The following LRP2 variants were observed in gnomAD, a reference collection of about 807,000 sequenced individuals.
LRP2 encodes the protein low-density lipoprotein receptor-related protein 2.
In LRP2, 172 loss-of-function variants were observed where a neutral mutation model predicts 531.0. The observed-to-expected ratio is 0.32, with a 90% confidence interval of 0.29 to 0.37. The LOEUF (loss-of-function observed/expected upper bound fraction) is 0.37. Among genes scored for constraint, LRP2 ranks in the 10% least tolerant of loss-of-function variants. The pLI, the probability that LRP2 is intolerant of heterozygous loss-of-function variation, is 1.00. For synonymous variants in LRP2, 1,992 were observed against 2,027.6 expected, an observed-to-expected ratio of 0.98 and a Z score of 0.47; for missense variants, 5,167 against 5,868.3, an observed-to-expected ratio of 0.88 and a Z score of 3.90.
chr2:169,337,472 A>G (rs1685437215), intron 1 of LRP2, among the ~76,000 whole-genome samples: 1 of 152,184 alleles, frequency 6.6e-6, no homozygotes, highest in South Asian at 2.1e-4. Flanking sequence ...AATACAGTCA[A>G]AGGGCTTTTC....
Position 169,206,515 on chromosome 2 carries a change from T to C in LRP2, c.7205A>G (p.His2402Arg), listed in dbSNP as rs1478838077. The change falls in exon 39 of 79, where the codon CAC becomes CGC. Residue 2402 changes from histidine to arginine, a missense_variant. This residue lies in a region of LRP2 where 2,811 missense variants were observed against 3,058.0 expected (regional missense o/e 0.92). Coordinates refer to ENST00000649046, the MANE Select transcript of LRP2 (RefSeq NM_004525.3). ...TGGGCTATGGTTTTCAGGGTCCAAG[T>C]GTAAGCTTCTCAAGGAATTAGACAA... ...FALSNSLRSLHLDPENHSPPF... is the reference protein window; with the variant it reads ...FALSNSLRSLRLDPENHSPPF... 3 of 1,614,218 alleles carry C rather than the reference T, an allele frequency of 1.9e-6. No homozygotes were observed. Among genetic ancestry groups the C allele is most frequent in the Middle Eastern group, 1.6e-4 (1 of 6,062 alleles).
intron 9 of LRP2, among the ~76,000 whole-genome samples, chr2:169,284,276 T>TTC: frequency 7.4e-6 from 1 of 135,458 alleles, no homozygotes; most frequent in Non-Finnish European, 1.6e-5. Flanking sequence ...TTTTTTTTTT[T>TTC]TTTTTTGAGA....
chr2:169,173,975 T>G lies in LRP2; in HGVS notation c.10958A>C (p.Lys3653Thr). The change falls in exon 56 of 79, where the codon AAG becomes ACG. Residue 3653 changes from lysine to threonine, a missense_variant. Coordinates refer to ENST00000649046, the MANE Select transcript of LRP2 (RefSeq NM_004525.3). ...TCCACAATCATTATCCACATCACAC[T>G]TCCAGGCCTGCGGGATGCAGCGGCC... Reference protein sequence around the residue: ...ANGRCIPQAWKCDVDNDCGDH... With the variant: ...ANGRCIPQAWTCDVDNDCGDH... The G allele has an allele frequency of 6.2e-7, 1 of 1,614,188 alleles. No homozygotes were observed. Among genetic ancestry groups the G allele is most frequent in the Non-Finnish European group, 8.5e-7 (1 of 1,180,014 alleles).
At chr2:169,172,551 T>C (rs1687044801) in intron 57 of LRP2, among the ~76,000 whole-genome samples, 1 of 152,210 alleles carries the variant, frequency 6.6e-6, no homozygotes, top group African/African-American at 2.4e-5. Context: ...GATGCTTTGG[T>C]TTCAAGTTAG....
chr2:169,194,869 G>A (rs1241574674), intron 46 of LRP2, among the ~76,000 whole-genome samples: 2 of 151,894 alleles, frequency 1.3e-5, no homozygotes, highest in African/African-American at 2.4e-5. Context: ...GTGCCACCGC[G>A]CCCGGCTAAT....
chr2:169,210,040 A>G (rs75569504), intron 37 of LRP2, among the ~76,000 whole-genome samples: 20,476 of 152,146 alleles, frequency 0.13, 2,958 homozygotes, highest in African/African-American at 0.37. Context: ...GAATTTAAAA[A>G]ATAAAAATTT....
At position 169,181,638 on chromosome 2, in the gene LRP2, G is replaced by A. The variant is rs545308429; in HGVS notation, c.9999-20C>T. On this transcript the variant is annotated intron_variant, in intron 51 of 78. Transcript: ENST00000649046. ...AGGTACCTGTCAGGGCAAACACAAA[G>A]GGTCAGTCCCTGATGCCAAAAGAAG... 9.1e-5 allele frequency: 146 copies of A among 1,611,100 alleles called. 4 individuals carry two copies. In the South Asian group the frequency reaches 1.6e-3, roughly 17 times the overall value.
rs776272091 is a variant in LRP2 at position 169,226,511 on chromosome 2, C to T, written c.5305G>A (p.Asp1769Asn). 3.1e-6 allele frequency: 5 copies of T among 1,608,464 alleles called. No individual in the cohort carries two copies. Among genetic ancestry groups the T allele is most frequent in the South Asian group, 1.1e-5 (1 of 90,972 alleles). The change falls in exon 32 of 79, where the codon GAT becomes AAT. Residue 1769 changes from aspartate (D) to asparagine (N), a missense_variant. Around this residue, in one of 6 missense-constraint regions of LRP2, gnomAD observed 2,811 missense variants for 3,058.0 expected, o/e 0.92. Coordinates refer to ENST00000649046, the MANE Select transcript of LRP2 (RefSeq NM_004525.3). Reference sequence around the variant, plus strand: ...ATCCCTGCTATGGGGACCATAGCATCATTGCTCTTCACCTCAGGATTAAGG... The same window carrying T: ...ATCCCTGCTATGGGGACCATAGCATTATTGCTCTTCACCTCAGGATTAAGG... ...ISLNPEVKSN[D>N]AMVPIAGIQN...
chr2:169,133,824 G>A (rs139316605), intron 76 of LRP2, among the ~76,000 whole-genome samples: 3,743 of 152,156 alleles, frequency 0.025, 163 homozygotes, highest in African/African-American at 0.084. Context: ...CTTTGCACCC[G>A]TCATCCCAGC....
At chr2:169,145,588 G>A (rs189423695) in intron 70 of LRP2, among the ~76,000 whole-genome samples, 159 bp downstream of exon 70, 14 of 152,220 alleles carry the variant, frequency 9.2e-5, no homozygotes, top group African/African-American at 2.4e-4. Context: ...TGGTTAAAAC[G>A]TTCCTCTCCC....
chr2:169,135,645 A>C (rs1292727455), intron 76 of LRP2, among the ~76,000 whole-genome samples: 1 of 152,176 alleles, frequency 6.6e-6, no homozygotes, highest in Non-Finnish European at 1.5e-5. Context: ...TCAGCCACCA[A>C]CTTAAAAAGG....
intron 44 of LRP2, among the ~76,000 whole-genome samples, chr2:169,199,690 T>C (rs540475191): frequency 3.9e-4 from 60 of 152,308 alleles, no homozygotes; most frequent in African/African-American, 1.4e-3. Flanking sequence ...TCCAAATATC[T>C]TTAAAGTCAT....
chr2:169,187,718 A>G (rs1007963375), intron 49 of LRP2, among the ~76,000 whole-genome samples: 13 of 152,222 alleles, frequency 8.5e-5, no homozygotes, highest in African/African-American at 3.1e-4. Context: ...CAATAATGTT[A>G]AATGATGGCC....
At position 169,294,719 on chromosome 2, in the gene LRP2, A is replaced by T. The variant is rs1162568534; in HGVS notation, c.428-9T>A. The T allele has an allele frequency of 0.011, 89 of 8,174 alleles. No homozygotes were observed. The highest frequency in any genetic ancestry group is 0.019 in the Non-Finnish European group (72 of 3,718). 0.5% of individuals were successfully genotyped at this position (8,174 alleles called of 1,614,324 possible). On this transcript the variant is annotated splice_polypyrimidine_tract_variant and intron_variant, in intron 4 of 78. Coordinates refer to ENST00000649046, the MANE Select transcript of LRP2 (RefSeq NM_004525.3). ...CTCACATGTTGGGTACTCTATTGTA[A>T]AAAAAAAAAAAAAAAAAAAAAGGAA...
chr2:169,359,527 G>A (rs1206951822), intron 1 of LRP2, among the ~76,000 whole-genome samples: 2 of 152,146 alleles, frequency 1.3e-5, no homozygotes, highest in Admixed American at 6.5e-5. Context: ...AATAAAGGCT[G>A]TTACAATCTC....
In LRP2 at chr2:169,331,159, T is replaced by C. The variant is rs113513543; in HGVS notation, c.80-10275A>G. Among the ~76,000 whole-genome samples the C allele has an allele frequency of 2.6e-3, 402 of 152,336 alleles. 2 individuals are homozygous for C. The highest frequency in any genetic ancestry group is 9.1e-3 in the African/African-American group (377 of 41,564). On this transcript the variant is annotated intron_variant, in intron 1 of 78. Transcript: ENST00000649046. ...AAATCCTCAAGTAGTTCATCATTAA[T>C]GTAAAGGATTGTGGCTATGAAAAAC...
At chr2:169,172,698 C>T (rs1038136930) in intron 57 of LRP2, among the ~76,000 whole-genome samples, 1 of 152,122 alleles carries the variant, frequency 6.6e-6, no homozygotes, top group Non-Finnish European at 1.5e-5. Context: ...AAGAAATATC[C>T]TAATTTGGAA....
At chr2:169,267,615 A>C (rs1402293753) in intron 16 of LRP2, among the ~76,000 whole-genome samples, 2 of 152,140 alleles carry the variant, frequency 1.3e-5, no homozygotes, top group African/African-American at 4.8e-5. Flanking sequence ...AGGGTGTAGA[A>C]GGAAATTTAT....
At position 169,202,975 on chromosome 2, in the gene LRP2, C is replaced by T. The variant is rs1273843628; in HGVS notation, c.8006-16G>A. 23 of 1,611,438 alleles carry T rather than the reference C, an allele frequency of 1.4e-5. No homozygotes were observed. The highest frequency in any genetic ancestry group is 2.0e-5 in the Non-Finnish European group (23 of 1,177,868). On this transcript the variant is annotated splice_polypyrimidine_tract_variant and intron_variant, in intron 42 of 78. Coordinates refer to ENST00000649046, the MANE Select transcript of LRP2 (RefSeq NM_004525.3). ...CCATTTGGACCTGAAGAAAGATAAT[C>T]CCAGAAGAAGTAAAAGATGGATGCA... is the stretch of plus-strand genomic sequence containing the variant.
Sources: gnomAD v4.1 joint callset for allele counts (sites outside exome capture counted in the v4.1 genomes callset) on GRCh38, gnomAD v4.1.1 for gene constraint, gnomAD v4.1.1 regional missense constraint, MANE v1.5 for transcripts, NCBI Gene and HGNC (gene_info 2026-07-23, HGNC 2026-07-21) for gene names.